Variants in ITPKB observed in about 807,000 individuals in gnomAD.
The protein encoded by ITPKB is IP3 3-kinase B.
ITPKB carries 13 observed loss-of-function variants against 69.4 expected under a neutral mutation model. That is an observed-to-expected ratio of 0.19 (90% CI 0.12 to 0.30). The LOEUF is 0.30. Ranked by LOEUF, ITPKB falls within the 10% of genes least tolerant of loss-of-function variation. The probability of loss-of-function intolerance (pLI) is 1.00; values close to 1 mark genes in which losing one functional copy is unlikely to be tolerated. For missense variants in ITPKB, 1,240 were observed against 1,250.5 expected (o/e 0.99, Z 0.13); for synonymous variants, 584 against 513.7 (o/e 1.14, Z -1.85).
intron 2 of ITPKB, among the ~76,000 whole-genome samples, chr1:226,723,168 T>A (rs1448468189): frequency 2.0e-5 from 3 of 152,026 alleles, no homozygotes; most frequent in African/African-American, 7.3e-5. Context: ...GTTCATCAGC[T>A]CCGTCCAGTC....
rs1325845852 is a variant in ITPKB at position 226,634,411 on chromosome 1, T to C, written c.*260A>G. On this transcript the variant is annotated 3_prime_UTR_variant, in exon 8 of 8. Coordinates refer to ENST00000429204, the MANE Select transcript of ITPKB (RefSeq NM_002221.4). The surrounding 1 kb of genome is among the most constrained non-coding windows in gnomAD (Gnocchi z 6.3). ...TCAGCAGCCAGGGACCCCCTCCAGC[T>C]CTACACCTGACCCACCTCTAAGACT... is the stretch of plus-strand genomic sequence containing the variant. 6.2e-6 allele frequency: 3 copies of C among 485,364 alleles called. No individual in the cohort carries two copies. The highest frequency in any genetic ancestry group is 1.1e-5 in the Non-Finnish European group (3 of 268,242). The allele number at this position is 485,364 out of a possible 1,614,324, so 30.1% of individuals were successfully genotyped here.
In ITPKB at chr1:226,631,904, G is replaced by A. The variant is rs1000335211; in HGVS notation, c.*2767C>T. The A allele has an allele frequency of 6.6e-6, 1 of 152,210 alleles. No individual in the cohort carries two copies. The highest frequency in any genetic ancestry group is 2.4e-5 in the African/African-American group (1 of 41,390). The allele number at this position is 152,210 out of a possible 1,614,324, so 9.4% of individuals were successfully genotyped here. On this transcript the variant is annotated 3_prime_UTR_variant, in exon 8 of 8. Coordinates refer to ENST00000429204, the MANE Select transcript of ITPKB (RefSeq NM_002221.4). ...CCAGGGGCTGGGTTATATACACATG[G>A]GGTGGACAGATGCAGAGAAACTCAA...
At chr1:226,654,799 C>T (rs1669258560) in intron 2 of ITPKB, among the ~76,000 whole-genome samples, 1 of 152,242 alleles carries the variant, frequency 6.6e-6, no homozygotes, top group Admixed American at 6.5e-5. Flanking sequence ...TACGGAAACA[C>T]TGCCTTCAAC....
At chr1:226,733,494 T>C (rs1257965996) in intron 2 of ITPKB, among the ~76,000 whole-genome samples, 1 of 152,182 alleles carries the variant, frequency 6.6e-6, no homozygotes, top group Non-Finnish European at 1.5e-5. Flanking sequence ...ACTTTGCTTA[T>C]CGTGCAAGCA....
chr1:226,646,270 G>A (rs1389677430), intron 4 of ITPKB, among the ~76,000 whole-genome samples: 3 of 152,218 alleles, frequency 2.0e-5, no homozygotes, highest in Admixed American at 1.3e-4. Context: ...GACACCATGG[G>A]GGCCGACAGC....
intron 2 of ITPKB, among the ~76,000 whole-genome samples, chr1:226,702,398 G>GAAA (rs543738819): frequency 7.2e-6 from 1 of 138,096 alleles, no homozygotes; most frequent in African/African-American, 2.7e-5. Context: ...ACTCCCTCTC[G>GAAA]GAAAAAAAAA....
intron 2 of ITPKB, among the ~76,000 whole-genome samples, chr1:226,717,781 G>T (rs1657131319): frequency 6.6e-6 from 1 of 152,154 alleles, no homozygotes; most frequent in African/African-American, 2.4e-5. Flanking sequence ...ACTCTATCCT[G>T]GAGTCAGAGG....
chr1:226,646,613 G>A (rs969913790), intron 4 of ITPKB, among the ~76,000 whole-genome samples: 3 of 152,116 alleles, frequency 2.0e-5, no homozygotes, highest in East Asian at 1.9e-4. Flanking sequence ...GGGGCCCTGC[G>A]GTGACCTGCC....
At chr1:226,684,143 G>A (rs1027653355) in intron 2 of ITPKB, among the ~76,000 whole-genome samples, 1 of 152,102 alleles carries the variant, frequency 6.6e-6, no homozygotes, top group Non-Finnish European at 1.5e-5. Flanking sequence ...CTCACCTTTC[G>A]CATGCAGTAC....
chr1:226,702,290 G>A (rs1656687097), intron 2 of ITPKB, among the ~76,000 whole-genome samples: 1 of 152,022 alleles, frequency 6.6e-6, no homozygotes, highest in African/African-American at 2.4e-5. Context: ...CCAGCTACTC[G>A]GGAGACTGAG....
At chr1:226,639,511 C>A in intron 6 of ITPKB, 46 bp downstream of exon 6, 2 of 1,287,130 alleles carry the variant, frequency 1.6e-6, no homozygotes, top group Non-Finnish European at 2.3e-6. Flanking sequence ...ACAGTTGTCC[C>A]TCCCTGGCTG....
At chr1:226,646,038 C>T (rs1484284464) in intron 4 of ITPKB, among the ~76,000 whole-genome samples, 1 of 152,236 alleles carries the variant, frequency 6.6e-6, no homozygotes, top group Admixed American at 6.5e-5. Context: ...GTCTCTGTCT[C>T]TCTCTCTCTC....
chr1:226,646,818 T>C (rs1669072127), intron 4 of ITPKB, among the ~76,000 whole-genome samples: 1 of 152,132 alleles, frequency 6.6e-6, no homozygotes, highest in South Asian at 2.1e-4. Context: ...CCTCCCTACC[T>C]GGTGGCTCCC....
intron 2 of ITPKB, among the ~76,000 whole-genome samples, chr1:226,659,335 C>A (rs1443034759): frequency 6.6e-6 from 1 of 152,102 alleles, no homozygotes. Flanking sequence ...CAGGGCCTCA[C>A]CAAGGCTCCC....
At chr1:226,673,455 G>A (rs1028450076) in intron 2 of ITPKB, among the ~76,000 whole-genome samples, 1 of 152,170 alleles carries the variant, frequency 6.6e-6, no homozygotes, top group East Asian at 1.9e-4. Flanking sequence ...GATGATTTAC[G>A]GAAGGCTAAC....
At chr1:226,722,147 T>C (rs1657262775) in intron 2 of ITPKB, among the ~76,000 whole-genome samples, 1 of 152,196 alleles carries the variant, frequency 6.6e-6, no homozygotes, top group Admixed American at 6.5e-5. Flanking sequence ...AAGTCTTCTT[T>C]GCAAAGTCAG....
At position 226,642,223 on chromosome 1, in the gene ITPKB, T is replaced by G; in HGVS notation, c.2247-98A>C. On this transcript the variant is annotated intron_variant, in intron 4 of 7. Transcript: ENST00000429204. This position sits in a 1 kb window ranked among gnomAD's most constrained non-coding sequence, Gnocchi z 6.4. ...GTGGATGAAGGTTTGGGGCGTGTGT[T>G]GCCCAACAGCTGCAGTCAGCTCAGT... is the stretch of plus-strand genomic sequence containing the variant. 1.0e-6 allele frequency: 1 copy of G among 980,466 alleles called. No homozygotes were observed. 60.7% of individuals were successfully genotyped at this position (980,466 alleles called of 1,614,324 possible).
At chr1:226,670,395 C>T (rs1322684557) in intron 2 of ITPKB, among the ~76,000 whole-genome samples, 1 of 152,092 alleles carries the variant, frequency 6.6e-6, no homozygotes, top group African/African-American at 2.4e-5. Flanking sequence ...TAAGGAAATA[C>T]TCCAAAAAAC....
chr1:226,732,481 A>G (rs544195088), intron 2 of ITPKB, among the ~76,000 whole-genome samples: 27 of 148,822 alleles, frequency 1.8e-4, no homozygotes, highest in African/African-American at 6.2e-4. Flanking sequence ...CAAGTGATCC[A>G]CCCGCCTTGG....
Sources: gnomAD v4.1 joint callset for allele counts (sites outside exome capture counted in the v4.1 genomes callset) on GRCh38, gnomAD v4.1.1 for gene constraint, Gnocchi (gnomAD v3.1) non-coding constraint, MANE v1.5 for transcripts, NCBI Gene and HGNC (gene_info 2026-07-23, HGNC 2026-07-21) for gene names.